Variants in DLG2 observed in about 807,000 individuals in gnomAD.
DLG2 encodes the protein discs large MAGUK scaffold protein 2, also known as disks large homolog 2.
Under a neutral mutation model 132.5 loss-of-function variants are expected in DLG2, and 45 were observed. The observed-to-expected ratio is 0.34, with a 90% confidence interval of 0.27 to 0.44. DLG2 has a LOEUF of 0.44. Ranked by LOEUF, DLG2 falls within the 20% of genes least tolerant of loss-of-function variation. The probability of loss-of-function intolerance (pLI) is 1.00; values close to 1 mark genes in which losing one functional copy is unlikely to be tolerated. For missense variants in DLG2, 1,045 were observed against 1,196.9 expected (o/e 0.87, Z 1.87); for synonymous variants, 424 against 419.6 (o/e 1.01, Z -0.13).
At chr11:84,292,811 AG>A (rs1253713748) in intron 7 of DLG2, among the ~76,000 whole-genome samples, 8 of 152,282 alleles carry the variant, frequency 5.3e-5, no homozygotes, top group Non-Finnish European at 1.0e-4. Flanking sequence ...ATGTAAAGGC[AG>A]GGGGGTCCAA....
At chr11:83,653,779 G>A (rs930467165) in intron 18 of DLG2, among the ~76,000 whole-genome samples, 1 of 151,864 alleles carries the variant, frequency 6.6e-6, no homozygotes, top group South Asian at 2.1e-4. Flanking sequence ...CTGGAGTGCC[G>A]TGGCACGATC....
rs181253156 is a variant in DLG2 at position 84,435,258 on chromosome 11, C to T, written c.519+99312G>A. Among the ~76,000 whole-genome samples, 20 of 151,772 alleles carry T rather than the reference C, an allele frequency of 1.3e-4. No homozygotes were observed. The East Asian group carries it at 1.7e-3, about 13-fold the overall frequency. Reference sequence around the variant, plus strand: ...TTCTCAGCTAAAGTACATACTGAACCCTTAGAAAAAAATTAATTTAAAATT... The same window carrying T: ...TTCTCAGCTAAAGTACATACTGAACTCTTAGAAAAAAATTAATTTAAAATT... On this transcript the variant is annotated intron_variant, in intron 7 of 27. Transcript: ENST00000376104.
intron 6 of DLG2, chr11:84,923,088 T>A (rs1239594356): frequency 6.2e-7 from 1 of 1,613,912 alleles, no homozygotes; most frequent in South Asian, 1.1e-5. Flanking sequence ...TTCACGTTAG[T>A]CCGGAGTGCA....
chr11:84,029,706 T>C (rs1360335981), intron 11 of DLG2, among the ~76,000 whole-genome samples: 1 of 152,166 alleles, frequency 6.6e-6, no homozygotes, highest in Admixed American at 6.6e-5. Context: ...TGTCCAGCTA[T>C]GCCTCTTGCA....
chr11:84,683,379 G>C (rs1408289495), intron 6 of DLG2, among the ~76,000 whole-genome samples: 1 of 152,120 alleles, frequency 6.6e-6, no homozygotes, highest in African/African-American at 2.4e-5. Context: ...AGGTAATCTT[G>C]CCTGTATGTA....
intron 19 of DLG2, among the ~76,000 whole-genome samples, chr11:83,587,699 C>T (rs1256404069): frequency 3.3e-5 from 5 of 152,212 alleles, no homozygotes; most frequent in East Asian, 1.9e-4. Flanking sequence ...ACGCAGAAGA[C>T]GGGTGATTTC....
At position 84,195,192 on chromosome 11, in the gene DLG2, T is replaced by A. The variant is rs530561117; in HGVS notation, c.574-31681A>T. Among the ~76,000 whole-genome samples the A allele has an allele frequency of 2.0e-5, 3 of 152,116 alleles. No individual in the cohort carries two copies. The East Asian group carries it at 5.8e-4, about 29-fold the overall frequency. On this transcript the variant is annotated intron_variant, in intron 8 of 27. Transcript: ENST00000376104. ...TTATTTATATTTTTTTGAGATGGAG[T>A]CCCACTCTGTTGCCGGGCTGGAGTG...
intron 6 of DLG2, among the ~76,000 whole-genome samples, chr11:85,093,639 C>G (rs906642744): frequency 6.6e-6 from 1 of 152,150 alleles, no homozygotes; most frequent in Non-Finnish European, 1.5e-5. Context: ...GGTGAAAGAA[C>G]GTGTGCGGGG....
intron 8 of DLG2, among the ~76,000 whole-genome samples, chr11:84,172,746 T>C (rs2095853396): frequency 6.6e-6 from 1 of 152,110 alleles, no homozygotes; most frequent in South Asian, 2.1e-4. Context: ...TTTTGCCATG[T>C]TGGCCAGGCT....
At chr11:84,200,141 T>A (rs369422252) in intron 8 of DLG2, among the ~76,000 whole-genome samples, 2 of 152,090 alleles carry the variant, frequency 1.3e-5, no homozygotes, top group African/African-American at 4.8e-5. Flanking sequence ...GTGATGTCTT[T>A]GGAGTACTCG....
intron 6 of DLG2, among the ~76,000 whole-genome samples, chr11:84,793,910 G>A (rs1045754132): frequency 1.3e-5 from 2 of 152,102 alleles, no homozygotes; most frequent in South Asian, 2.1e-4. Flanking sequence ...TATTACTGAT[G>A]AGCAAGATCT....
intron 6 of DLG2, among the ~76,000 whole-genome samples, chr11:84,890,403 AT>A (rs2089164063): frequency 6.6e-6 from 1 of 152,136 alleles, no homozygotes; most frequent in East Asian, 1.9e-4. Context: ...GGGAACACTG[AT>A]TAGTCATATT....
intron 6 of DLG2, among the ~76,000 whole-genome samples, chr11:84,805,041 T>C (rs569041213): frequency 6.6e-6 from 1 of 152,286 alleles, no homozygotes; most frequent in South Asian, 2.1e-4. Context: ...GTCAGAACTT[T>C]CATACCTGCC....
chr11:84,520,742 C>T (rs913080949), intron 7 of DLG2, among the ~76,000 whole-genome samples: 1 of 152,144 alleles, frequency 6.6e-6, no homozygotes, highest in South Asian at 2.1e-4. Flanking sequence ...GAGGTAGCCA[C>T]ACAGGAATTT....
intron 15 of DLG2, among the ~76,000 whole-genome samples, chr11:83,882,558 C>G (rs2066581920): frequency 6.6e-6 from 1 of 152,128 alleles, no homozygotes; most frequent in Admixed American, 6.5e-5. Context: ...GACGTGGTGA[C>G]TCAAAAAATA....
At chr11:85,244,143 T>C (rs1190237548) in intron 4 of DLG2, among the ~76,000 whole-genome samples, 1 of 152,038 alleles carries the variant, frequency 6.6e-6, no homozygotes, top group Admixed American at 6.6e-5. Context: ...AAAAACTGGA[T>C]CTACTTCTCT....
intron 6 of DLG2, among the ~76,000 whole-genome samples, chr11:84,541,297 C>T (rs12575888): frequency 1.3e-5 from 2 of 151,768 alleles, no homozygotes; most frequent in East Asian, 3.9e-4. Context: ...GACAGGGATG[C>T]CTGGTATACT....
chr11:84,097,632 T>C (rs2097183782), intron 10 of DLG2, among the ~76,000 whole-genome samples: 1 of 152,196 alleles, frequency 6.6e-6, no homozygotes, highest in East Asian at 1.9e-4. Flanking sequence ...ATTTCACATA[T>C]CCTTCCTATC....
intron 10 of DLG2, among the ~76,000 whole-genome samples, chr11:84,066,639 T>C (rs2096677694): frequency 6.6e-6 from 1 of 152,056 alleles, no homozygotes; most frequent in Non-Finnish European, 1.5e-5. Flanking sequence ...CAGGCGCCTG[T>C]AATCCCAGCT....
Sources: allele counts gnomAD v4.1 joint callset (sites outside exome capture counted in the v4.1 genomes callset), GRCh38; gene constraint gnomAD v4.1.1; transcripts MANE v1.5; gene names NCBI Gene and HGNC (gene_info 2026-07-23, HGNC 2026-07-21).